The following PUF60 variants were observed in gnomAD, a reference collection of about 807,000 sequenced individuals.
The protein encoded by PUF60 is poly(U)-binding-splicing factor PUF60.
In PUF60, 10 loss-of-function variants were observed where a neutral mutation model predicts 61.8. The ratio of observed to expected loss-of-function variants is 0.16; its 90% CI spans 0.10 to 0.27. The LOEUF is 0.27. Ranked by LOEUF, PUF60 falls within the 10% of genes least tolerant of loss-of-function variation. PUF60 has a pLI of 1.00. For missense variants in PUF60, 371 were observed against 754.0 expected (o/e 0.49, Z 5.95); for synonymous variants, 353 against 300.9 (o/e 1.17, Z -1.79).
In PUF60 at chr8:143,816,865, G is replaced by GC. The variant is rs762693147; in HGVS notation, c.1380+44dup. 6.9e-5 allele frequency: 89 copies of GC among 1,297,950 alleles called. 1 individual carries two copies. The highest frequency in any genetic ancestry group is 8.7e-5 in the Non-Finnish European group (82 of 944,416). The allele number at this position is 1,297,950 out of a possible 1,614,324, so 80.4% of individuals were successfully genotyped here. The stretch of plus-strand genomic sequence containing the variant: ...GAAGACAGCTGAGCACTGCGGCCCC[G>GC]CCCCCCTACCCTCTCCCCCGCCACC... On this transcript the variant is annotated intron_variant, in intron 11 of 11. Coordinates refer to ENST00000526683, the MANE Select transcript of PUF60 (RefSeq NM_078480.3).
At chr8:143,821,525 G>C in intron 4 of PUF60, 72 bp downstream of exon 4, 1 of 1,316,780 alleles carries the variant, frequency 7.6e-7, no homozygotes. Context: ...GGCCCAGGAG[G>C]AGGAAGAGCG....
In PUF60 at chr8:143,819,771, C is replaced by T. The variant is rs528067282; in HGVS notation, c.348+895G>A. ...CTCAGCAGGCTCCCCAGACACGAGA[C>T]CAGGCCTGTCCCTCAGGTCATGGTT... On this transcript the variant is annotated intron_variant, in intron 5 of 11. Coordinates refer to ENST00000526683, the MANE Select transcript of PUF60 (RefSeq NM_078480.3). Among the ~76,000 whole-genome samples, 9 of 152,180 alleles carry T rather than the reference C, an allele frequency of 5.9e-5. No homozygotes were observed. The South Asian group carries it at 1.9e-3, about 32-fold the overall frequency.
chr8:143,825,931 G>A (rs1009483150), intron 1 of PUF60, among the ~76,000 whole-genome samples: 21 of 152,330 alleles, frequency 1.4e-4, no homozygotes, highest in African/African-American at 5.1e-4. Flanking sequence ...GATGTGGCTC[G>A]GAAAAACATT....
chr8:143,829,169 G>A (rs1818015430), intron 1 of PUF60, 111 bp downstream of exon 1: 4 of 1,222,810 alleles, frequency 3.3e-6, no homozygotes, highest in Non-Finnish European at 4.1e-6. Flanking sequence ...GAGTCCGCGC[G>A]GGACCTGGGA....
rs1816544022 is a variant in PUF60, at chr8:143,817,862, C to T, written c.817G>A (p.Glu273Lys). Residue 273 changes from glutamate (E) to lysine (K), a missense_variant and splice_region_variant, in exon 8 of 12, where the codon GAG becomes AAG. Physicochemically the swap from Glu to Lys is moderately conservative, Grantham distance 56 (BLOSUM62 1). Coordinates refer to ENST00000526683, the MANE Select transcript of PUF60 (RefSeq NM_078480.3). This position sits in a 1 kb window ranked among gnomAD's most constrained non-coding sequence, Gnocchi z 7.4. Reference sequence around the variant, plus strand: ...TCCCGCCTCAGCCACCCCAGCTCACCAATGAAGCCGTAGCCCTTGTGCTTG... The same window carrying T: ...TCCCGCCTCAGCCACCCCAGCTCACTAATGAAGCCGTAGCCCTTGTGCTTG... ...TGKHKGYGFI[E>K]YEKAQSSQDA... 2 of 1,611,260 alleles carry T rather than the reference C, an allele frequency of 1.2e-6. No individual in the cohort carries two copies. Among genetic ancestry groups the T allele is most frequent in the Non-Finnish European group, 8.5e-7 (1 of 1,178,746 alleles).
intron 1 of PUF60, chr8:143,829,031 A>ACGCCGCGCCCAGGCCCC: frequency 1.0e-6 from 1 of 1,001,270 alleles, no homozygotes; most frequent in African/African-American, 1.7e-5. Context: ...CAAGGGCCAC[A>ACGCCGCGCCCAGGCCCC]CGCCGCGCCC....
At chr8:143,824,275 C>T (rs1377040621) in intron 2 of PUF60, 38 bp downstream of exon 2, 26 of 1,518,896 alleles carry the variant, frequency 1.7e-5, no homozygotes, top group East Asian at 5.0e-5. Flanking sequence ...GGCGGGCAGG[C>T]GGGCGGGCCT....
intron 4 of PUF60, 90 bp downstream of exon 4, chr8:143,821,507 C>T (rs905418702): frequency 8.3e-6 from 10 of 1,200,264 alleles, no homozygotes; most frequent in African/African-American, 4.5e-5. Flanking sequence ...CTTGCGGGGA[C>T]GGCCGCAGGC....
At position 143,817,658 on chromosome 8, in the gene PUF60, C is replaced by T. The variant is rs371396320; in HGVS notation, c.942G>A (p.Thr314=). The part of the protein sequence containing the change: ...TPPMPLLTPA[T]PGGLPPAAAV... ...CAGCGGCAGGTGGGAGGCCTCCAGG[C>T]GTGGCTGGTGTGAGTAGGGGCATGG... Residue 314 remains threonine (T), a synonymous_variant, in exon 9 of 12, where the codon ACG becomes ACA. Transcript: ENST00000526683. This position sits in a 1 kb window ranked among gnomAD's most constrained non-coding sequence, Gnocchi z 7.4. 3.7e-6 allele frequency: 6 copies of T among 1,612,444 alleles called. No individual in the cohort carries two copies. Among genetic ancestry groups the T allele is most frequent in the African/African-American group, 2.7e-5 (2 of 74,940 alleles).
chr8:143,822,754 GCT>G (rs1162517431), intron 2 of PUF60: 3 of 355,498 alleles, frequency 8.4e-6, no homozygotes, highest in Non-Finnish European at 1.7e-5. Flanking sequence ...GAAGAACGCA[GCT>G]GTGTGAGCAG....
intron 1 of PUF60, among the ~76,000 whole-genome samples, chr8:143,828,464 G>A (rs1347758691): frequency 6.6e-6 from 1 of 152,248 alleles, no homozygotes; most frequent in Non-Finnish European, 1.5e-5. Flanking sequence ...TGTGTTGTGT[G>A]CATGGGTGTT....
intron 1 of PUF60, among the ~76,000 whole-genome samples, chr8:143,826,650 C>CAGA (rs1056222681): frequency 2.0e-5 from 3 of 152,090 alleles, no homozygotes; most frequent in Admixed American, 2.0e-4. Flanking sequence ...ACCCAGGAGG[C>CAGA]AGAGGTTGCA....
chr8:143,818,160 C>T lies in PUF60; in HGVS notation c.603+33G>A, dbSNP rs368647268. On this transcript the variant is annotated intron_variant, in intron 7 of 11. Transcript: ENST00000526683. This position sits in a 1 kb window ranked among gnomAD's most constrained non-coding sequence, Gnocchi z 7.9. ...TCCGTGGAGGGGCAGCCCTGCACGCCTGCGGGATCGAGGCCTTGGCTCCCT... is the reference window on the plus strand; with the variant it reads ...TCCGTGGAGGGGCAGCCCTGCACGCTTGCGGGATCGAGGCCTTGGCTCCCT... The T allele has an allele frequency of 3.1e-6, 5 of 1,602,562 alleles. No individual in the cohort carries two copies. The highest frequency in any genetic ancestry group is 4.3e-6 in the Non-Finnish European group (5 of 1,175,364).
At chr8:143,824,249 GGCA>G (rs1817372247) in intron 2 of PUF60, 61 bp downstream of exon 2, 1 of 1,483,194 alleles carries the variant, frequency 6.7e-7, no homozygotes, top group Non-Finnish European at 9.1e-7. Flanking sequence ...GGGACGCACA[GGCA>G]GGCGGGCGGG....
chr8:143,824,905 G>A (rs929880674), intron 1 of PUF60: 13 of 166,554 alleles, frequency 7.8e-5, no homozygotes, highest in Non-Finnish European at 1.4e-4. Context: ...ATGGTGGGCA[G>A]GGGTCTGGAT....
At chr8:143,820,746 T>A in intron 4 of PUF60, 30 bp from the exon 5 acceptor site, 1 of 1,604,550 alleles carries the variant, frequency 6.2e-7, no homozygotes, top group Non-Finnish European at 8.5e-7. Context: ...GAGTTCAGTC[T>A]GTTGGAGCCG....
At chr8:143,824,159 G>A (rs749922042) in intron 2 of PUF60, among the ~76,000 whole-genome samples, 154 bp downstream of exon 2, 8 of 152,212 alleles carry the variant, frequency 5.3e-5, no homozygotes, top group African/African-American at 1.2e-4. Flanking sequence ...GTGGTCCTGC[G>A]GGCAGTTGTC....
chr8:143,818,320 G>T lies in PUF60; in HGVS notation c.511-35C>A, dbSNP rs766282543. 1.2e-6 allele frequency: 2 copies of T among 1,607,976 alleles called. No individual in the cohort carries two copies. Among genetic ancestry groups the T allele is most frequent in the South Asian group, 2.2e-5 (2 of 90,752 alleles). Reference sequence around the variant, plus strand: ...GGGACACACCTGTCAGGCTGCGCGAGCCCAGGGGTGGGGGCGAGCCCGAAG... The same window carrying T: ...GGGACACACCTGTCAGGCTGCGCGATCCCAGGGGTGGGGGCGAGCCCGAAG... On this transcript the variant is annotated intron_variant, in intron 6 of 11. Transcript: ENST00000526683. The surrounding 1 kb of genome is among the most constrained non-coding windows in gnomAD (Gnocchi z 7.9).
chr8:143,817,814 G>C lies in PUF60; in HGVS notation c.818-32C>G. 1 of 1,606,674 alleles carries C rather than the reference G, an allele frequency of 6.2e-7. No homozygotes were observed. Among genetic ancestry groups the C allele is most frequent in the Non-Finnish European group, 8.5e-7 (1 of 1,176,680 alleles). The stretch of plus-strand genomic sequence containing the variant: ...GCAGGAGCAGCAGTGAGCAGGGCCA[G>C]CCCCAGCCTCAGGTGGCCCCCATCC... On this transcript the variant is annotated intron_variant, in intron 8 of 11. Transcript: ENST00000526683. The surrounding 1 kb of genome is among the most constrained non-coding windows in gnomAD (Gnocchi z 7.4).
Sources: allele counts gnomAD v4.1 joint callset (sites outside exome capture counted in the v4.1 genomes callset), GRCh38; gene constraint gnomAD v4.1.1; non-coding constraint Gnocchi (gnomAD v3.1); transcripts MANE v1.5; gene names NCBI Gene and HGNC (gene_info 2026-07-23, HGNC 2026-07-21).